OCA2: variants seen among roughly 807,000 people sequenced by gnomAD.
OCA2 encodes the protein OCA2 melanosomal transmembrane protein, also known as P protein.
Under a neutral mutation model 100.2 loss-of-function variants are expected in OCA2, and 77 were observed. That is an observed-to-expected ratio of 0.77 (90% CI 0.64 to 0.93). The LOEUF (loss-of-function observed/expected upper bound fraction) is 0.93. OCA2 is among the 40% of genes least tolerant of loss of function. The pLI, the probability that OCA2 is intolerant of heterozygous loss-of-function variation, is 0.00. For missense variants in OCA2, 1,062 were observed against 1,089.1 expected (o/e 0.98, Z 0.35); for synonymous variants, 432 against 439.2 (o/e 0.98, Z 0.21).
In OCA2 at chr15:28,018,523, C is replaced by T. The variant is rs2042477897; in HGVS notation, c.681G>A (p.Leu227=). The change falls in exon 7 of 24, where the codon CTG becomes CTA. Residue 227 remains leucine (L), a synonymous_variant. Coordinates refer to ENST00000354638, the MANE Select transcript of OCA2 (RefSeq NM_000275.3). The part of the protein sequence containing the change: ...VNLSSHVDST[L]LQVDLAGALV... ...GGGCCCCTGCCAGGTCCACCTGCAG[C>T]AGCGTGGAGTCCACGTGGCTGCTAA... The T allele has an allele frequency of 6.2e-7, 1 of 1,613,542 alleles. No homozygotes were observed. Among genetic ancestry groups the T allele is most frequent in the East Asian group, 2.2e-5 (1 of 44,872 alleles).
At chr15:27,863,379 G>A (rs545078905) in intron 21 of OCA2, among the ~76,000 whole-genome samples, 1 of 152,292 alleles carries the variant, frequency 6.6e-6, no homozygotes, top group South Asian at 2.1e-4. Flanking sequence ...CATGAGGCAG[G>A]GGAGAGCTAT....
intron 23 of OCA2, among the ~76,000 whole-genome samples, chr15:27,777,916 C>T (rs573412499): frequency 1.3e-5 from 2 of 152,182 alleles, no homozygotes; most frequent in African/African-American, 4.8e-5. Context: ...CAGAGGTACT[C>T]GTGACTCTTT....
At chr15:27,784,579 T>G (rs1329608647) in intron 23 of OCA2, among the ~76,000 whole-genome samples, 1 of 152,194 alleles carries the variant, frequency 6.6e-6, no homozygotes, top group Non-Finnish European at 1.5e-5. Flanking sequence ...TTAATATGTT[T>G]AAAAGCCTAA....
intron 1 of OCA2, among the ~76,000 whole-genome samples, chr15:28,084,812 G>C (rs770139292): frequency 2.0e-5 from 3 of 152,216 alleles, no homozygotes; most frequent in Admixed American, 1.3e-4. Context: ...ACCCCAACAG[G>C]CTCCTGCATC....
intron 14 of OCA2, among the ~76,000 whole-genome samples, chr15:27,981,539 G>A (rs1430641846): frequency 2.6e-5 from 4 of 152,222 alleles, no homozygotes; most frequent in South Asian, 2.1e-4. Context: ...AAGCAGAGCA[G>A]TGTTCAGTTT....
intron 23 of OCA2, among the ~76,000 whole-genome samples, chr15:27,784,227 T>C (rs1680841503): frequency 6.6e-6 from 1 of 152,122 alleles, no homozygotes; most frequent in African/African-American, 2.4e-5. Flanking sequence ...GGAAAACACA[T>C]TGGTAAAAAT....
At chr15:27,728,981 T>A in the OCA2 span, among the ~76,000 whole-genome samples, 1 of 152,204 alleles carries the variant, frequency 6.6e-6, no homozygotes, top group Non-Finnish European at 1.5e-5. Context: ...AATGTAACTT[T>A]TCTCTCTTCC....
chr15:27,840,001 C>T (rs1396768784), intron 23 of OCA2, among the ~76,000 whole-genome samples: 2 of 152,034 alleles, frequency 1.3e-5, no homozygotes, highest in Admixed American at 6.5e-5. Context: ...GAAAGCCACA[C>T]TGAAAATACA....
chr15:28,037,610 T>C (rs1389470037), intron 2 of OCA2, among the ~76,000 whole-genome samples: 1 of 152,258 alleles, frequency 6.6e-6, no homozygotes, highest in African/African-American at 2.4e-5. Flanking sequence ...TGAGTATTAA[T>C]AACAACCATG....
At chr15:27,734,527 C>T in the OCA2 span, among the ~76,000 whole-genome samples, 1 of 152,166 alleles carries the variant, frequency 6.6e-6, no homozygotes, top group African/African-American at 2.4e-5. Context: ...AACTCAGCAC[C>T]AGACAGATCC....
chr15:28,067,106 T>C (rs1421705641), intron 2 of OCA2, among the ~76,000 whole-genome samples: 3 of 152,192 alleles, frequency 2.0e-5, no homozygotes. Flanking sequence ...CAGGTCATGG[T>C]CCTCACATTT....
At chr15:27,998,753 T>C (rs1184502465) in intron 9 of OCA2, among the ~76,000 whole-genome samples, 4 of 147,506 alleles carry the variant, frequency 2.7e-5, no homozygotes, top group Non-Finnish European at 6.0e-5. Context: ...TGCACATGTA[T>C]GTTTATTGCG....
intron 22 of OCA2, among the ~76,000 whole-genome samples, chr15:27,850,607 C>A (rs1236949848): frequency 6.6e-6 from 1 of 152,130 alleles, no homozygotes; most frequent in African/African-American, 2.4e-5. Flanking sequence ...AGAAACTTCA[C>A]TGAATGACAT....
chr15:27,793,657 T>G (rs2033189616), intron 23 of OCA2, among the ~76,000 whole-genome samples: 4 of 152,346 alleles, frequency 2.6e-5, no homozygotes, highest in African/African-American at 9.6e-5. Context: ...ATTTATTTAT[T>G]CCATGAGTTT....
chr15:27,799,965 C>T (rs1252460668), intron 23 of OCA2, among the ~76,000 whole-genome samples: 2 of 152,080 alleles, frequency 1.3e-5, no homozygotes, highest in African/African-American at 2.4e-5. Flanking sequence ...GCACATGAAA[C>T]CTCACAGACT....
chr15:28,007,279 AT>A (rs1444551427), intron 9 of OCA2, among the ~76,000 whole-genome samples: 1 of 152,242 alleles, frequency 6.6e-6, no homozygotes, highest in Non-Finnish European at 1.5e-5. Context: ...AACTATTTTA[AT>A]TTTATACAGT....
intron 19 of OCA2, among the ~76,000 whole-genome samples, chr15:27,917,116 C>T (rs1299045190): frequency 6.6e-6 from 1 of 152,032 alleles, no homozygotes; most frequent in African/African-American, 2.4e-5. Flanking sequence ...GTATACAAAC[C>T]TTACTCTCTT....
chr15:27,782,141 G>T (rs540896159), intron 23 of OCA2, among the ~76,000 whole-genome samples: 2 of 152,012 alleles, frequency 1.3e-5, no homozygotes, highest in Non-Finnish European at 2.9e-5. Flanking sequence ...CTAAATGTTC[G>T]TATGTATATA....
chr15:27,958,485 C>T (rs1478495485), intron 15 of OCA2, among the ~76,000 whole-genome samples: 3 of 152,146 alleles, frequency 2.0e-5, no homozygotes, highest in Admixed American at 1.3e-4. Context: ...GACAGGGAGG[C>T]GCCCTCCAAC....
Sources: allele counts gnomAD v4.1 joint callset (sites outside exome capture counted in the v4.1 genomes callset), GRCh38; gene constraint gnomAD v4.1.1; transcripts MANE v1.5; gene names NCBI Gene and HGNC (gene_info 2026-07-23, HGNC 2026-07-21).